Variants in ADGRL2 observed in about 807,000 individuals in gnomAD.
ADGRL2 encodes the protein adhesion G protein-coupled receptor L2.
In ADGRL2, 44 loss-of-function variants were observed where a neutral mutation model predicts 157.4. The observed-to-expected ratio is 0.28, with a 90% confidence interval of 0.22 to 0.36. The LOEUF (loss-of-function observed/expected upper bound fraction) is 0.36, where lower values mean the gene tolerates loss of function less well. Among genes scored for constraint, ADGRL2 ranks in the 10% least tolerant of loss-of-function variants. The probability of loss-of-function intolerance (pLI) is 1.00; values close to 1 mark genes in which losing one functional copy is unlikely to be tolerated. For missense variants in ADGRL2, 1,510 were observed against 1,768.9 expected (o/e 0.85, Z 2.63); for synonymous variants, 585 against 624.7 (o/e 0.94, Z 0.95).
intron 2 of ADGRL2, among the ~76,000 whole-genome samples, chr1:81,558,405 C>T (rs79446899): frequency 0.028 from 4,257 of 152,158 alleles, 191 homozygotes; most frequent in African/African-American, 0.097. Context: ...AAGAAATAAA[C>T]AGTCATTTGA....
rs1193331937 is a variant in ADGRL2, at chr1:81,992,824, T to A, written c.*1679T>A. 6.6e-6 allele frequency among the ~76,000 whole-genome samples: 1 copy of A among 151,730 alleles called. No homozygotes were observed. The highest frequency in any genetic ancestry group is 1.5e-5 in the Non-Finnish European group (1 of 67,922). Reference sequence around the variant, plus strand: ...AGACAGCTGTGAATACCAATATACATTACCCTGGAAAAGTTTTACTCCAAG... The same window carrying A: ...AGACAGCTGTGAATACCAATATACAATACCCTGGAAAAGTTTTACTCCAAG... On this transcript the variant is annotated 3_prime_UTR_variant, in exon 24 of 24. Transcript: ENST00000686636.
intron 1 of ADGRL2, among the ~76,000 whole-genome samples, chr1:81,352,113 C>T (rs544019231): frequency 6.6e-5 from 10 of 152,366 alleles, no homozygotes; most frequent in East Asian, 1.9e-4. Context: ...GGTGCACACA[C>T]GTGTGCTGGG....
chr1:81,496,511 T>A (rs2078733842), intron 2 of ADGRL2, among the ~76,000 whole-genome samples: 1 of 152,184 alleles, frequency 6.6e-6, no homozygotes, highest in Non-Finnish European at 1.5e-5. Flanking sequence ...GTCATCCATC[T>A]AAACAAAAAG....
At chr1:81,531,928 C>T (rs1450914044) in intron 2 of ADGRL2, among the ~76,000 whole-genome samples, 2 of 152,152 alleles carry the variant, frequency 1.3e-5, no homozygotes, top group African/African-American at 2.4e-5. Flanking sequence ...AACCACTGGT[C>T]ATATACTTAG....
intron 2 of ADGRL2, among the ~76,000 whole-genome samples, chr1:81,864,738 G>T (rs1483024469): frequency 2.6e-5 from 4 of 152,078 alleles, no homozygotes; most frequent in Non-Finnish European, 5.9e-5. Context: ...GAGGTGGGCG[G>T]ATAACCGGAG....
chr1:81,669,567 C>T (rs543643), intron 3 of ADGRL2, among the ~76,000 whole-genome samples: 50,319 of 151,912 alleles, frequency 0.33, 8,831 homozygotes, highest in African/African-American at 0.44. Flanking sequence ...AAGAGACAAA[C>T]ATATAAAAGA....
At chr1:81,712,594 G>A (rs757009501) in intron 1 of ADGRL2, among the ~76,000 whole-genome samples, 11 of 152,040 alleles carry the variant, frequency 7.2e-5, no homozygotes, top group Admixed American at 2.0e-4. Flanking sequence ...ACAGTGTGCA[G>A]AACTGGCTTC....
At chr1:81,382,216 C>T in intron 1 of ADGRL2, among the ~76,000 whole-genome samples, 1 of 152,266 alleles carries the variant, frequency 6.6e-6, no homozygotes, top group South Asian at 2.1e-4. Flanking sequence ...AATACCTCAG[C>T]CCTCACACCA....
chr1:81,581,098 A>G (rs2148539593), intron 3 of ADGRL2: 1 of 152,348 alleles, frequency 6.6e-6, no homozygotes, highest in Non-Finnish European at 1.5e-5. Context: ...AAAAGAGAAC[A>G]CACAAGTGAA....
At chr1:81,953,059 C>T (rs774408753) in intron 10 of ADGRL2, 34 bp downstream of exon 10, 1 of 1,573,938 alleles carries the variant, frequency 6.4e-7, no homozygotes, top group South Asian at 1.1e-5. Flanking sequence ...TGCTTTCTCC[C>T]TTCTTCAGCT....
chr1:81,746,832 A>G (rs780602826), intron 1 of ADGRL2, among the ~76,000 whole-genome samples: 3 of 149,376 alleles, frequency 2.0e-5, no homozygotes, highest in Non-Finnish European at 1.5e-5. Context: ...CAAATTATAT[A>G]TATACATGTA....
chr1:81,700,676 G>C (rs1206945204), intron 1 of ADGRL2, among the ~76,000 whole-genome samples: 1 of 152,142 alleles, frequency 6.6e-6, no homozygotes, highest in Non-Finnish European at 1.5e-5. Context: ...TAATTACAAA[G>C]CAAGTGTTCA....
intron 3 of ADGRL2, among the ~76,000 whole-genome samples, chr1:81,693,879 A>AT (rs2083391486): frequency 6.6e-6 from 1 of 152,144 alleles, no homozygotes; most frequent in African/African-American, 2.4e-5. Flanking sequence ...TCCCACAAAC[A>AT]TTTTTTGATA....
intron 2 of ADGRL2, among the ~76,000 whole-genome samples, chr1:81,774,176 C>G (rs1051521896): frequency 2.0e-5 from 3 of 152,160 alleles, no homozygotes; most frequent in Non-Finnish European, 2.9e-5. Context: ...TATGTATTCA[C>G]CTTACTCAGT....
At chr1:81,948,296 G>A (rs1650591276) in intron 6 of ADGRL2, among the ~76,000 whole-genome samples, 1 of 151,178 alleles carries the variant, frequency 6.6e-6, no homozygotes, top group Non-Finnish European at 1.5e-5. Flanking sequence ...CATGGCTGTA[G>A]AATGTTGCAT....
intron 3 of ADGRL2, among the ~76,000 whole-genome samples, chr1:81,588,121 G>A (rs3762402): frequency 0.16 from 23,988 of 152,028 alleles, 2,069 homozygotes; most frequent in Non-Finnish European, 0.19. Context: ...TAAGAAGGAT[G>A]AAAACTGGCC....
At chr1:81,839,577 A>G (rs1321492998) in intron 2 of ADGRL2, among the ~76,000 whole-genome samples, 1 of 151,652 alleles carries the variant, frequency 6.6e-6, no homozygotes, top group Non-Finnish European at 1.5e-5. Context: ...TGTTATTCTT[A>G]TGCCTTTGTG....
At chr1:81,701,445 T>A (rs1025602501) in intron 1 of ADGRL2, among the ~76,000 whole-genome samples, 3 of 152,148 alleles carry the variant, frequency 2.0e-5, no homozygotes, top group Admixed American at 2.0e-4. Context: ...GAATCTAGTA[T>A]CTTGTAGTCA....
At chr1:81,502,710 C>G (rs565343626) in intron 2 of ADGRL2, 1 of 1,613,580 alleles carries the variant, frequency 6.2e-7, no homozygotes, top group East Asian at 2.2e-5. Context: ...AGAAGAAAGC[C>G]TTGAGTTCCC....
Sources: allele counts gnomAD v4.1 joint callset (sites outside exome capture counted in the v4.1 genomes callset), GRCh38; gene constraint gnomAD v4.1.1; transcripts MANE v1.5; gene names NCBI Gene and HGNC (gene_info 2026-07-23, HGNC 2026-07-21).